SLC16A10: variants seen among roughly 807,000 people sequenced by gnomAD.
SLC16A10 encodes solute carrier family 16 member 10, also known as monocarboxylate transporter 10.
A neutral mutation model predicts 40.0 loss-of-function variants in SLC16A10; 27 were observed. That is an observed-to-expected ratio of 0.67 (90% CI 0.50 to 0.93). The LOEUF (loss-of-function observed/expected upper bound fraction) is 0.93. SLC16A10 is among the 40% of genes least tolerant of loss of function. The pLI, the probability that SLC16A10 is intolerant of heterozygous loss-of-function variation, is 0.00. For synonymous variants in SLC16A10, 213 were observed against 249.8 expected (o/e 0.85, Z 1.39); for missense variants, 529 against 658.2 (o/e 0.80, Z 2.15).
chr6:111,231,079 T>G lies in SLC16A10; in HGVS notation c.*8844T>G, dbSNP rs1181399843. The G allele has an allele frequency of 6.6e-6, 1 of 152,208 alleles. No homozygotes were observed. Among genetic ancestry groups the G allele is most frequent in the Non-Finnish European group, 1.5e-5 (1 of 68,048 alleles). The allele number at this position is 152,208 out of a possible 1,614,324, so 9.4% of individuals were successfully genotyped here. On this transcript the variant is annotated 3_prime_UTR_variant, in exon 6 of 6. Coordinates refer to ENST00000368851, the MANE Select transcript of SLC16A10 (RefSeq NM_018593.5). ...TTAATAATGTGCAATTTAATATAGA[T>G]AACCAAAATCTTTTTAATGAAAAGA...
At chr6:111,137,328 T>G (rs1771897207) in intron 1 of SLC16A10, among the ~76,000 whole-genome samples, 1 of 152,216 alleles carries the variant, frequency 6.6e-6, no homozygotes, top group African/African-American at 2.4e-5. Flanking sequence ...TAGGCATTGA[T>G]AGCACCCATC....
intron 1 of SLC16A10, among the ~76,000 whole-genome samples, chr6:111,133,971 G>A (rs893274462): frequency 2.0e-5 from 3 of 152,198 alleles, no homozygotes; most frequent in African/African-American, 4.8e-5. Flanking sequence ...CAAGGATTAG[G>A]ACAATCCTTT....
chr6:111,156,203 AT>A lies in SLC16A10; in HGVS notation c.344-16491del, dbSNP rs1417298262. On this transcript the variant is annotated intron_variant, in intron 1 of 5. Transcript: ENST00000368851. ...TAAATAAATGTGGGAGACTAGACAA[AT>A]CCCCCATGCAGAAGAATTCCAAGTA... Among the ~76,000 whole-genome samples the A allele has an allele frequency of 2.0e-5, 3 of 152,344 alleles. No individual in the cohort carries two copies. The East Asian group carries it at 5.8e-4, about 29-fold the overall frequency.
intron 1 of SLC16A10, among the ~76,000 whole-genome samples, chr6:111,152,129 T>A (rs982188102): frequency 3.9e-5 from 6 of 152,164 alleles, no homozygotes; most frequent in African/African-American, 1.4e-4. Context: ...AAGCTATATA[T>A]CCCCTTCCTG....
At chr6:111,195,657 T>C (rs1438641319) in intron 3 of SLC16A10, among the ~76,000 whole-genome samples, 5 of 152,106 alleles carry the variant, frequency 3.3e-5, no homozygotes, top group African/African-American at 4.8e-5. Context: ...AACCAATGTG[T>C]AGTGTTTGAG....
intron 3 of SLC16A10, among the ~76,000 whole-genome samples, chr6:111,178,222 T>C (rs1253228694): frequency 6.6e-6 from 1 of 152,228 alleles, no homozygotes; most frequent in Non-Finnish European, 1.5e-5. Context: ...AGCCATGATG[T>C]TGATACAAAG....
chr6:111,121,187 T>C (rs575360741), intron 1 of SLC16A10, among the ~76,000 whole-genome samples: 3 of 152,300 alleles, frequency 2.0e-5, no homozygotes, highest in African/African-American at 7.2e-5. Context: ...GTGTGCCTCT[T>C]ACTCCCTGTT....
intron 3 of SLC16A10, 134 bp downstream of exon 3, chr6:111,177,799 A>G: frequency 1.4e-6 from 1 of 714,176 alleles, no homozygotes; most frequent in South Asian, 2.5e-5. Flanking sequence ...TTGAAATGAA[A>G]GGTCTCTCAA....
rs146235527 is a variant in SLC16A10 at position 111,197,260 on chromosome 6, A to C, written c.943-9332A>C. Among the ~76,000 whole-genome samples the C allele has an allele frequency of 2.6e-4, 39 of 152,334 alleles. No homozygotes were observed. The East Asian group carries it at 7.3e-3, about 29-fold the overall frequency. On this transcript the variant is annotated intron_variant, in intron 3 of 5. Transcript: ENST00000368851. ...CACTTTAGCCAACATCATTAGCCTA[A>C]ATCTTAGTGAAGAGAGGTTAGAAGA...
At chr6:111,198,192 C>CAGGA (rs1047863850) in intron 3 of SLC16A10, among the ~76,000 whole-genome samples, 27 of 152,232 alleles carry the variant, frequency 1.8e-4, no homozygotes, top group African/African-American at 6.5e-4. Flanking sequence ...GAGGCTGAGG[C>CAGGA]AGGAAGCTCT....
In SLC16A10 at chr6:111,225,963, T is replaced by C. The variant is rs917501303; in HGVS notation, c.*3728T>C. 6.6e-6 allele frequency: 1 copy of C among 152,248 alleles called. No homozygotes were observed. The highest frequency in any genetic ancestry group is 2.4e-5 in the African/African-American group (1 of 41,470). The allele number at this position is 152,248 out of a possible 1,614,324, so 9.4% of individuals were successfully genotyped here. On this transcript the variant is annotated 3_prime_UTR_variant, in exon 6 of 6. Coordinates refer to ENST00000368851, the MANE Select transcript of SLC16A10 (RefSeq NM_018593.5). ...CTGGTTGCATGGCTGTATTTCCTACTGATCCCTGTAGTTTCACTGAATGGA... is the reference window on the plus strand; with the variant it reads ...CTGGTTGCATGGCTGTATTTCCTACCGATCCCTGTAGTTTCACTGAATGGA...
intron 1 of SLC16A10, among the ~76,000 whole-genome samples, chr6:111,108,804 C>G (rs531698873): frequency 3.9e-5 from 6 of 152,206 alleles, no homozygotes; most frequent in African/African-American, 1.4e-4. Context: ...CAAAATAATG[C>G]CATTTTCATA....
In SLC16A10 at chr6:111,095,423, C is replaced by T. The variant is rs188077132; in HGVS notation, c.343+7328C>T. Among the ~76,000 whole-genome samples the T allele has an allele frequency of 4.9e-3, 749 of 152,252 alleles. 8 individuals carry two copies. Among genetic ancestry groups the T allele is most frequent in the African/African-American group, 0.017 (686 of 41,532 alleles). On this transcript the variant is annotated intron_variant, in intron 1 of 5. Coordinates refer to ENST00000368851, the MANE Select transcript of SLC16A10 (RefSeq NM_018593.5). ...TAGCTACATTTTGGAGTTTTGAGAA[C>T]GAATTCAAATAAGTTACAAATTATG...
At chr6:111,131,413 G>A (rs575947905) in intron 1 of SLC16A10, among the ~76,000 whole-genome samples, 1 of 152,330 alleles carries the variant, frequency 6.6e-6, no homozygotes, top group African/African-American at 2.4e-5. Context: ...GAAGAGGCTT[G>A]CCGCCATCTT....
intron 3 of SLC16A10, among the ~76,000 whole-genome samples, chr6:111,199,663 A>G (rs552968393): frequency 6.6e-5 from 10 of 152,274 alleles, no homozygotes; most frequent in African/African-American, 2.4e-4. Context: ...GATGAAGTCT[A>G]CTTTAAACTT....
At chr6:111,205,868 AATT>A (rs1386191808) in intron 3 of SLC16A10, among the ~76,000 whole-genome samples, 1 of 152,168 alleles carries the variant, frequency 6.6e-6, no homozygotes, top group African/African-American at 2.4e-5. Context: ...CAGGGGTGTC[AATT>A]TGGTCCAGGT....
chr6:111,112,649 A>G (rs1771410952), intron 1 of SLC16A10, among the ~76,000 whole-genome samples: 1 of 152,370 alleles, frequency 6.6e-6, no homozygotes, highest in South Asian at 2.1e-4. Flanking sequence ...CAAAATTTGT[A>G]TTCACATATT....
intron 1 of SLC16A10, among the ~76,000 whole-genome samples, chr6:111,157,911 A>G (rs1349828175): frequency 6.6e-6 from 1 of 151,602 alleles, no homozygotes; most frequent in Non-Finnish European, 1.5e-5. Context: ...CGACTAAAAA[A>G]AAAAAAAAGA....
chr6:111,132,567 T>C (rs1771803369), intron 1 of SLC16A10, among the ~76,000 whole-genome samples: 1 of 152,214 alleles, frequency 6.6e-6, no homozygotes, highest in African/African-American at 2.4e-5. Flanking sequence ...TCATTGTGAG[T>C]ACACCTCACC....
Sources: allele counts gnomAD v4.1 joint callset (sites outside exome capture counted in the v4.1 genomes callset), GRCh38; gene constraint gnomAD v4.1.1; transcripts MANE v1.5; gene names NCBI Gene and HGNC (gene_info 2026-07-23, HGNC 2026-07-21).